LRRTM4: variants seen among roughly 807,000 people sequenced by gnomAD.
LRRTM4 encodes the protein leucine rich repeat transmembrane neuronal 4.
Under a neutral mutation model 47.6 loss-of-function variants are expected in LRRTM4, and 25 were observed. That is an observed-to-expected ratio of 0.53 (90% CI 0.38 to 0.73). The LOEUF (loss-of-function observed/expected upper bound fraction) is 0.73. LRRTM4 is among the 30% of genes least tolerant of loss of function. The pLI, the probability that LRRTM4 is intolerant of heterozygous loss-of-function variation, is 0.00. For missense variants in LRRTM4, 638 were observed against 713.4 expected (o/e 0.89, Z 1.20); for synonymous variants, 311 against 269.5 (o/e 1.15, Z -1.51).
intron 3 of LRRTM4, among the ~76,000 whole-genome samples, chr2:76,859,640 G>T (rs1209489831): frequency 6.6e-6 from 1 of 152,074 alleles, no homozygotes; most frequent in Non-Finnish European, 1.5e-5. Context: ...ATAAAAGTTT[G>T]CATGACATGG....
At chr2:76,970,017 C>CA (rs1220056973) in intron 3 of LRRTM4, among the ~76,000 whole-genome samples, 1 of 151,914 alleles carries the variant, frequency 6.6e-6, no homozygotes, top group East Asian at 1.9e-4. Context: ...CACATGGCCC[C>CA]ACTCACTTAT....
chr2:77,208,144 G>C (rs1674193536), intron 3 of LRRTM4, among the ~76,000 whole-genome samples: 1 of 152,006 alleles, frequency 6.6e-6, no homozygotes, highest in Non-Finnish European at 1.5e-5. Flanking sequence ...CTCCCAAAGT[G>C]CTGAGATTAC....
chr2:77,135,923 A>C (rs1671925005), intron 3 of LRRTM4, among the ~76,000 whole-genome samples: 1 of 152,152 alleles, frequency 6.6e-6, no homozygotes, highest in Non-Finnish European at 1.5e-5. Context: ...AGCATTCAAA[A>C]CATTACTTTA....
At chr2:76,828,977 A>T (rs1671260349) in intron 3 of LRRTM4, among the ~76,000 whole-genome samples, 1 of 151,866 alleles carries the variant, frequency 6.6e-6, no homozygotes, top group Admixed American at 6.6e-5. Flanking sequence ...TCCCTAAATC[A>T]TCTGCTTTGA....
intron 3 of LRRTM4, among the ~76,000 whole-genome samples, chr2:77,373,108 T>C (rs1366331637): frequency 6.8e-6 from 1 of 146,350 alleles, no homozygotes; most frequent in South Asian, 2.1e-4. Flanking sequence ...TATATATATA[T>C]ACGCACACAC....
At chr2:77,174,921 C>T (rs972609624) in intron 3 of LRRTM4, among the ~76,000 whole-genome samples, 3 of 151,842 alleles carry the variant, frequency 2.0e-5, no homozygotes, top group Non-Finnish European at 2.9e-5. Context: ...CTTTTGTGCC[C>T]GGAGCTTCTT....
chr2:77,049,121 TTTA>T (rs1258707809), intron 3 of LRRTM4, among the ~76,000 whole-genome samples: 3 of 67,510 alleles, frequency 4.4e-5, no homozygotes, highest in African/African-American at 2.3e-4. Flanking sequence ...TATTTCATTT[TTTA>T]TATATATATA....
chr2:76,822,795 A>G (rs144786221), intron 3 of LRRTM4, among the ~76,000 whole-genome samples: 4,082 of 151,522 alleles, frequency 0.027, 74 homozygotes, highest in Non-Finnish European at 0.041. Context: ...GATTGAGTTT[A>G]TTTATTATTT....
intron 3 of LRRTM4, among the ~76,000 whole-genome samples, chr2:77,291,918 A>C (rs1184068044): frequency 6.6e-6 from 1 of 151,856 alleles, no homozygotes; most frequent in Non-Finnish European, 1.5e-5. Context: ...AACCTACAAA[A>C]TGGGAGAAAA....
At position 77,371,718 on chromosome 2, in the gene LRRTM4, CT is replaced by C. The variant is rs951899933; in HGVS notation, c.1551+146599del. 5.3e-5 allele frequency among the ~76,000 whole-genome samples: 8 copies of C among 151,496 alleles called. 1 individual carries two copies. Among genetic ancestry groups the C allele is most frequent in the Admixed American group, 3.3e-4 (5 of 15,120 alleles). The stretch of plus-strand genomic sequence containing the variant: ...CCTTATTTCCTTTACAAATCTTCAA[CT>C]TTTTTTTCTATTGGCTCCTCCCTCT... On this transcript the variant is annotated intron_variant, in intron 3 of 3. Coordinates refer to ENST00000409884, the MANE Select transcript of LRRTM4 (RefSeq NM_001134745.3).
intron 3 of LRRTM4, among the ~76,000 whole-genome samples, chr2:76,921,205 C>G (rs1261112561): frequency 6.6e-6 from 1 of 152,058 alleles, no homozygotes; most frequent in Non-Finnish European, 1.5e-5. Flanking sequence ...CTTTTGATGA[C>G]TTGACAATTT....
At chr2:77,280,119 C>T (rs1036705684) in intron 3 of LRRTM4, among the ~76,000 whole-genome samples, 1 of 151,936 alleles carries the variant, frequency 6.6e-6, no homozygotes, top group Non-Finnish European at 1.5e-5. Flanking sequence ...ATAATAATCA[C>T]ATATGGGAAC....
intron 3 of LRRTM4, among the ~76,000 whole-genome samples, chr2:77,438,587 T>C (rs1409641514): frequency 6.6e-6 from 1 of 151,944 alleles, no homozygotes; most frequent in Admixed American, 6.6e-5. Flanking sequence ...TTTATATTTT[T>C]AGTAGAGACG....
At chr2:77,090,350 A>G (rs1223214160) in intron 3 of LRRTM4, among the ~76,000 whole-genome samples, 1 of 152,140 alleles carries the variant, frequency 6.6e-6, no homozygotes, top group Non-Finnish European at 1.5e-5. Flanking sequence ...CAACCCTGAG[A>G]CACTTTACAG....
At chr2:76,825,458 T>C (rs572148765) in intron 3 of LRRTM4, among the ~76,000 whole-genome samples, 1 of 151,836 alleles carries the variant, frequency 6.6e-6, no homozygotes, top group Admixed American at 6.6e-5. Context: ...AAATGATTTC[T>C]AACTACTTGA....
chr2:77,207,015 T>C (rs1236166743), intron 3 of LRRTM4, among the ~76,000 whole-genome samples: 4 of 151,720 alleles, frequency 2.6e-5, no homozygotes, highest in Admixed American at 6.6e-5. Context: ...GGTGGCAAAG[T>C]TATTCATGGA....
At chr2:77,306,235 C>T (rs1303120663) in intron 3 of LRRTM4, among the ~76,000 whole-genome samples, 2 of 152,152 alleles carry the variant, frequency 1.3e-5, no homozygotes, top group African/African-American at 2.4e-5. Context: ...ATATGTGTTG[C>T]CTTTGTGATA....
At chr2:76,927,222 A>G (rs751802392) in intron 3 of LRRTM4, among the ~76,000 whole-genome samples, 2 of 152,060 alleles carry the variant, frequency 1.3e-5, no homozygotes, top group Non-Finnish European at 2.9e-5. Context: ...AGGAGTTACC[A>G]TATTCTTACA....
Position 77,247,240 on chromosome 2 carries a change from T to A in LRRTM4, c.1551+271078A>T, listed in dbSNP as rs536472707. On this transcript the variant is annotated intron_variant, in intron 3 of 3. Transcript: ENST00000409884. ...ATAAGATATGAATGATTTAATAAGA[T>A]ATGAATAACTATACAAGGAAAGCAA... is the stretch of plus-strand genomic sequence containing the variant. Among the ~76,000 whole-genome samples, 40 of 152,206 alleles carry A rather than the reference T, an allele frequency of 2.6e-4. No individual in the cohort carries two copies. The South Asian group carries it at 8.1e-3, about 31-fold the overall frequency.
Sources: gnomAD v4.1 joint callset for allele counts (sites outside exome capture counted in the v4.1 genomes callset) on GRCh38, gnomAD v4.1.1 for gene constraint, MANE v1.5 for transcripts, NCBI Gene and HGNC (gene_info 2026-07-23, HGNC 2026-07-21) for gene names.